The following HMCN1 variants were observed in gnomAD, a reference collection of about 807,000 sequenced individuals.
The protein encoded by HMCN1 is hemicentin 1.
In HMCN1, 321 loss-of-function variants were observed where a neutral mutation model predicts 625.9. The ratio of observed to expected loss-of-function variants is 0.51; its 90% CI spans 0.47 to 0.56. The LOEUF is 0.56. HMCN1 is among the 20% of genes least tolerant of loss of function. The probability of loss-of-function intolerance (pLI) is 0.00; values close to 1 mark genes in which losing one functional copy is unlikely to be tolerated. For synonymous variants in HMCN1, 2,425 were observed against 2,417.6 expected (o/e 1.00, Z -0.09); for missense variants, 6,588 against 6,887.3 (o/e 0.96, Z 1.54).
chr1:185,947,031 G>A (rs1052568915), intron 11 of HMCN1, among the ~76,000 whole-genome samples: 12 of 152,162 alleles, frequency 7.9e-5, no homozygotes, highest in Non-Finnish European at 8.8e-5. Context: ...CCATAATGGT[G>A]TTTGAAATGT....
In HMCN1 at chr1:186,189,302, C is replaced by T. The variant is rs140685013; in HGVS notation, c.16542-210C>T. On this transcript the variant is annotated intron_variant, in intron 106 of 106. Transcript: ENST00000271588. ...CTGCTTTTAATGGAGCTGCAAGATACGTATTTGACTTCACACCAGCATCTT... is the reference window on the plus strand; with the variant it reads ...CTGCTTTTAATGGAGCTGCAAGATATGTATTTGACTTCACACCAGCATCTT... 9.2e-5 allele frequency among the ~76,000 whole-genome samples: 14 copies of T among 152,254 alleles called. No homozygotes were observed. In the East Asian group the frequency reaches 2.3e-3, roughly 25 times the overall value.
At chr1:185,829,428 G>C (rs1472754797) in intron 1 of HMCN1, among the ~76,000 whole-genome samples, 1 of 152,040 alleles carries the variant, frequency 6.6e-6, no homozygotes, top group Non-Finnish European at 1.5e-5. Flanking sequence ...CCCCCAACAG[G>C]CTGTGGGGTG....
At chr1:185,934,830 C>G (rs573198237) in intron 11 of HMCN1, among the ~76,000 whole-genome samples, 2 of 152,126 alleles carry the variant, frequency 1.3e-5, no homozygotes, top group African/African-American at 4.8e-5. Context: ...AGTTTCAAGG[C>G]TAAATCTTAG....
chr1:186,137,171 C>G (rs1341075334), intron 87 of HMCN1, among the ~76,000 whole-genome samples: 1 of 152,160 alleles, frequency 6.6e-6, no homozygotes, highest in African/African-American at 2.4e-5. Flanking sequence ...TGATTCACAA[C>G]TAAATCTATT....
At chr1:185,765,974 A>G (rs77198532) in intron 1 of HMCN1, among the ~76,000 whole-genome samples, 2,308 of 152,240 alleles carry the variant, frequency 0.015, 54 homozygotes, top group African/African-American at 0.048. Context: ...TGGATTGTTC[A>G]GCTACTCCTG....
At chr1:185,888,993 G>A (rs1181456459) in intron 4 of HMCN1, among the ~76,000 whole-genome samples, 22 of 146,296 alleles carry the variant, frequency 1.5e-4, no homozygotes, top group Non-Finnish European at 2.6e-4. Context: ...CTTGAGCAGC[G>A]GTTTGTAGTT....
intron 1 of HMCN1, among the ~76,000 whole-genome samples, chr1:185,833,516 TA>T (rs1660998717): frequency 6.6e-6 from 1 of 152,196 alleles, no homozygotes; most frequent in African/African-American, 2.4e-5. Flanking sequence ...TACATTTTTT[TA>T]GTTGATTTTT....
chr1:185,872,547 G>C (rs1404258067), intron 4 of HMCN1, among the ~76,000 whole-genome samples: 1 of 152,042 alleles, frequency 6.6e-6, no homozygotes, highest in Non-Finnish European at 1.5e-5. Context: ...CACAAATGTT[G>C]GGGGGAGAGG....
chr1:186,125,723 G>A lies in HMCN1; in HGVS notation c.12619G>A (p.Val4207Ile). The A allele has an allele frequency of 6.2e-7, 1 of 1,612,918 alleles. No homozygotes were observed. The highest frequency in any genetic ancestry group is 1.1e-5 in the South Asian group (1 of 91,058). ...TPAINWKKDNVLLANLLGKYT... is the reference protein window; with the variant it reads ...TPAINWKKDNILLANLLGKYT... ...AGCAATTAACTGGAAAAAAGACAATGTTCTTTTAGCTAACTTGTTAGGAAA... is the reference window on the plus strand; with the variant it reads ...AGCAATTAACTGGAAAAAAGACAATATTCTTTTAGCTAACTTGTTAGGAAA... The change falls in exon 82 of 107, where the codon GTT becomes ATT. Residue 4207 changes from valine to isoleucine, a missense_variant. By Grantham distance (29) the Val-to-Ile change is conservative (BLOSUM62 3). This residue lies in a region of HMCN1 where 1,954 missense variants were observed against 2,013.1 expected (regional missense o/e 0.97). Transcript: ENST00000271588.
At chr1:185,892,716 C>T (rs539265853) in intron 4 of HMCN1, among the ~76,000 whole-genome samples, 56 of 152,068 alleles carry the variant, frequency 3.7e-4, no homozygotes, top group Middle Eastern at 3.4e-3. Flanking sequence ...CTCTTCAAAG[C>T]TGTCAGACAG....
chr1:186,184,318 C>T (rs1219009550), intron 105 of HMCN1, among the ~76,000 whole-genome samples: 1 of 152,134 alleles, frequency 6.6e-6, no homozygotes, highest in African/African-American at 2.4e-5. Flanking sequence ...TTATAAGGAA[C>T]CAAAGACTGC....
intron 57 of HMCN1, 151 bp downstream of exon 57, chr1:186,083,112 C>T (rs528909274): frequency 2.2e-5 from 9 of 410,378 alleles, no homozygotes; most frequent in South Asian, 1.2e-4. Context: ...TTTCTTTCCA[C>T]GATGGCTAGT....
chr1:185,758,763 T>G (rs559529339), intron 1 of HMCN1, among the ~76,000 whole-genome samples: 26 of 152,356 alleles, frequency 1.7e-4, no homozygotes, highest in African/African-American at 6.3e-4. Flanking sequence ...TTTTCCTTTT[T>G]TAAAAATTAA....
intron 4 of HMCN1, among the ~76,000 whole-genome samples, chr1:185,880,825 AC>A (rs1258825080): frequency 2.0e-5 from 3 of 152,146 alleles, no homozygotes; most frequent in Non-Finnish European, 4.4e-5. Context: ...AGTTATAATA[AC>A]CCCCATGTAA....
chr1:185,800,467 T>C (rs1418051454), intron 1 of HMCN1, among the ~76,000 whole-genome samples: 3 of 152,186 alleles, frequency 2.0e-5, no homozygotes, highest in African/African-American at 7.2e-5. Context: ...GTTTAGTCTT[T>C]AGCATTTCCA....
At chr1:186,026,868 C>A (rs558206597) in intron 36 of HMCN1, among the ~76,000 whole-genome samples, 1 of 152,086 alleles carries the variant, frequency 6.6e-6, no homozygotes, top group East Asian at 1.9e-4. Flanking sequence ...CTCCTGGGCT[C>A]AAGACATCTG....
chr1:186,167,593 G>A (rs1489008523), intron 100 of HMCN1, among the ~76,000 whole-genome samples: 4 of 152,124 alleles, frequency 2.6e-5, no homozygotes, highest in Non-Finnish European at 5.9e-5. Context: ...TGATAGTGTG[G>A]TACAGAATAG....
chr1:185,894,479 A>G (rs911439929), intron 4 of HMCN1, among the ~76,000 whole-genome samples: 6 of 152,228 alleles, frequency 3.9e-5, no homozygotes, highest in African/African-American at 1.4e-4. Flanking sequence ...CATTTGTTAT[A>G]CAAATGTACT....
chr1:186,084,753 CA>C (rs893052008), intron 57 of HMCN1, among the ~76,000 whole-genome samples: 14 of 152,116 alleles, frequency 9.2e-5, no homozygotes, highest in Admixed American at 8.5e-4. Flanking sequence ...TTGCATATAA[CA>C]ACAAGGACAA....
Sources: allele counts gnomAD v4.1 joint callset (sites outside exome capture counted in the v4.1 genomes callset), GRCh38; gene constraint gnomAD v4.1.1; regional missense constraint gnomAD v4.1.1; transcripts MANE v1.5; gene names NCBI Gene and HGNC (gene_info 2026-07-23, HGNC 2026-07-21).